The following DIPK1A variants were observed in gnomAD, a reference collection of about 807,000 sequenced individuals.
DIPK1A encodes the protein family with sequence similarity 69 member A.
DIPK1A carries 27 observed loss-of-function variants against 40.8 expected under a neutral mutation model. That is an observed-to-expected ratio of 0.66 (90% CI 0.49 to 0.91). The LOEUF (loss-of-function observed/expected upper bound fraction) is 0.91. Ranked by LOEUF, DIPK1A falls within the 40% of genes least tolerant of loss-of-function variation. The pLI is 0.00. For synonymous variants in DIPK1A, 166 were observed against 171.3 expected, an observed-to-expected ratio of 0.97 and a Z score of 0.24; for missense variants, 412 against 505.7, an observed-to-expected ratio of 0.81 and a Z score of 1.78.
chr1:92,943,378 A>G (rs1247398060), intron 1 of DIPK1A, among the ~76,000 whole-genome samples: 1 of 152,174 alleles, frequency 6.6e-6, no homozygotes, highest in Non-Finnish European at 1.5e-5. Context: ...CTAGAGAGCC[A>G]ATCTGTCAGT....
chr1:92,854,347 T>C (rs1267665878), intron 2 of DIPK1A, among the ~76,000 whole-genome samples: 1 of 152,216 alleles, frequency 6.6e-6, no homozygotes, highest in Non-Finnish European at 1.5e-5. Context: ...GTTATGTAAT[T>C]TGTTCACAAC....
At chr1:92,890,331 A>T (rs1648805399) in intron 1 of DIPK1A, among the ~76,000 whole-genome samples, 1 of 152,154 alleles carries the variant, frequency 6.6e-6, no homozygotes, top group Admixed American at 6.5e-5. Flanking sequence ...TAATTGCTCT[A>T]GCTAGGACTT....
At position 92,952,079 on chromosome 1, in the gene DIPK1A, AC is replaced by A. The variant is rs764710131; in HGVS notation, c.54+9296del. 3.6e-3 allele frequency among the ~76,000 whole-genome samples: 531 copies of A among 147,192 alleles called. 3 individuals carry two copies. Among genetic ancestry groups the A allele is most frequent in the African/African-American group, 9.1e-3 (360 of 39,746 alleles). The stretch of plus-strand genomic sequence containing the variant: ...TGGCCACTCTTTAAAAAAAAAAAAA[AC>A]ACACACAAATGTCTGGAGACATATC... On this transcript the variant is annotated intron_variant, in intron 1 of 4. Transcript: ENST00000370310.
chr1:92,912,129 C>T (rs535051562), intron 1 of DIPK1A, among the ~76,000 whole-genome samples: 1 of 151,670 alleles, frequency 6.6e-6, no homozygotes, highest in South Asian at 2.1e-4. Flanking sequence ...TCCAGTTTCT[C>T]CACATCCTTA....
intron 2 of DIPK1A, among the ~76,000 whole-genome samples, chr1:92,867,520 T>C (rs139479870): frequency 7.2e-5 from 11 of 152,278 alleles, no homozygotes; most frequent in Middle Eastern, 3.4e-3. Flanking sequence ...TTGTTGTTGT[T>C]GTTGAGACAG....
chr1:92,901,494 T>C (rs1649409585), intron 1 of DIPK1A, among the ~76,000 whole-genome samples: 1 of 152,064 alleles, frequency 6.6e-6, no homozygotes, highest in African/African-American at 2.4e-5. Flanking sequence ...GCAGCTGTGA[T>C]TGTACCCCTA....
intron 1 of DIPK1A, among the ~76,000 whole-genome samples, chr1:92,958,457 T>C (rs1651930930): frequency 6.6e-6 from 1 of 152,196 alleles, no homozygotes; most frequent in African/African-American, 2.4e-5. Context: ...ACAAAGCTGG[T>C]CTCTGCAACC....
At chr1:92,909,666 C>T (rs1649754897) in intron 1 of DIPK1A, among the ~76,000 whole-genome samples, 1 of 152,144 alleles carries the variant, frequency 6.6e-6, no homozygotes, top group Admixed American at 6.5e-5. Context: ...CGAAGATGTT[C>T]TGATTATTGG....
intron 1 of DIPK1A, among the ~76,000 whole-genome samples, chr1:92,959,901 A>C (rs1651995759): frequency 3.9e-5 from 1 of 25,432 alleles, no homozygotes; most frequent in Non-Finnish European, 7.7e-5. Flanking sequence ...GCACCCAACC[A>C]ACTTTTTTTT....
intron 2 of DIPK1A, among the ~76,000 whole-genome samples, chr1:92,871,752 A>G (rs955524195): frequency 1.3e-5 from 2 of 152,210 alleles, no homozygotes; most frequent in African/African-American, 4.8e-5. Context: ...TTCACTTAGC[A>G]TAATGTTTCC....
At chr1:92,941,676 C>T (rs141221726) in intron 1 of DIPK1A, among the ~76,000 whole-genome samples, 110 of 152,164 alleles carry the variant, frequency 7.2e-4, no homozygotes, top group African/African-American at 2.4e-3. Context: ...GAAAGGATAA[C>T]GACGCAAGTG....
In DIPK1A at chr1:92,845,292, G is replaced by GTT. The variant is rs71094207; in HGVS notation, c.475-1099_475-1098dup. ...TTAAAAAAATAATTTGCAGAGTACC[G>GTT]TTTTTTTTTTTTTTTTTTTTGCATA... On this transcript the variant is annotated intron_variant, in intron 4 of 4. Transcript: ENST00000370310. Among the ~76,000 whole-genome samples, 545 of 97,412 alleles carry GTT rather than the reference G, an allele frequency of 5.6e-3. 16 individuals carry two copies. Among genetic ancestry groups the GTT allele is most frequent in the African/African-American group, 0.019 (496 of 25,816 alleles). 63.9% of individuals were successfully genotyped at this position (97,412 alleles called of 152,430 possible).
At chr1:92,954,655 G>A (rs182577959) in intron 1 of DIPK1A, among the ~76,000 whole-genome samples, 46 of 152,120 alleles carry the variant, frequency 3.0e-4, no homozygotes, top group Non-Finnish European at 4.9e-4. Flanking sequence ...GATTACAGAC[G>A]TGAGCCTCCG....
chr1:92,943,942 A>G (rs1651268671), intron 1 of DIPK1A, among the ~76,000 whole-genome samples: 1 of 152,254 alleles, frequency 6.6e-6, no homozygotes. Flanking sequence ...AATCTCTGAA[A>G]GGAATGAAGA....
At chr1:92,867,576 G>A (rs1647613854) in intron 2 of DIPK1A, among the ~76,000 whole-genome samples, 1 of 152,164 alleles carries the variant, frequency 6.6e-6, no homozygotes, top group Non-Finnish European at 1.5e-5. Flanking sequence ...CACAATCTCA[G>A]CTCACTGCAA....
At chr1:92,919,307 A>G (rs1326179405) in intron 1 of DIPK1A, among the ~76,000 whole-genome samples, 1 of 152,240 alleles carries the variant, frequency 6.6e-6, no homozygotes, top group East Asian at 1.9e-4. Flanking sequence ...TTTGGCACTT[A>G]AAATATTGCC....
At chr1:92,877,268 G>T in intron 1 of DIPK1A, 3 of 369,476 alleles carry the variant, frequency 8.1e-6, no homozygotes, top group Non-Finnish European at 1.1e-5. Context: ...AAGACTATTT[G>T]ACATTTATTT....
chr1:92,939,791 C>T (rs1651082302), intron 1 of DIPK1A, among the ~76,000 whole-genome samples: 1 of 152,100 alleles, frequency 6.6e-6, no homozygotes, highest in South Asian at 2.1e-4. Context: ...CTGTTTCTAA[C>T]AAAAAACACA....
chr1:92,836,683 G>C (rs1020377491), intron 4 of DIPK1A: 1 of 371,294 alleles, frequency 2.7e-6, no homozygotes, highest in Non-Finnish European at 5.0e-6. Flanking sequence ...TTAGAAATGA[G>C]CAACTCCATC....
Sources: gnomAD v4.1 joint callset for allele counts (sites outside exome capture counted in the v4.1 genomes callset) on GRCh38, gnomAD v4.1.1 for gene constraint, MANE v1.5 for transcripts, NCBI Gene and HGNC (gene_info 2026-07-23, HGNC 2026-07-21) for gene names.